LRRTM3: variants seen among roughly 807,000 people sequenced by gnomAD.
LRRTM3 encodes the protein leucine-rich repeat transmembrane neuronal protein 3.
Under a neutral mutation model 44.7 loss-of-function variants are expected in LRRTM3, and 24 were observed. The ratio of observed to expected loss-of-function variants is 0.54; its 90% confidence interval spans 0.39 to 0.76. LRRTM3 has a LOEUF of 0.76. Ranked by LOEUF, LRRTM3 falls within the 30% of genes least tolerant of loss-of-function variation. The pLI is 0.00. For missense variants in LRRTM3, 587 were observed against 702.2 expected (o/e 0.84, Z 1.85); for synonymous variants, 277 against 278.7 (o/e 0.99, Z 0.06).
intron 2 of LRRTM3, among the ~76,000 whole-genome samples, chr10:66,994,370 C>G (rs937347647): frequency 6.6e-6 from 1 of 152,178 alleles, no homozygotes; most frequent in African/African-American, 2.4e-5. Context: ...ACATTAGGTA[C>G]AGTGTGGAAC....
In LRRTM3 at chr10:67,097,891, C is replaced by A; in HGVS notation, c.*95C>A. ...TTCATTGTGGACTCTAAAAACAAAA[C>A]AAAACACAAAATCCCCTGTTCAAAT... is the stretch of plus-strand genomic sequence containing the variant. On this transcript the variant is annotated 3_prime_UTR_variant, in exon 3 of 3. Transcript: ENST00000361320. 1.9e-6 allele frequency: 2 copies of A among 1,042,762 alleles called. No homozygotes were observed. The highest frequency in any genetic ancestry group is 2.9e-6 in the Non-Finnish European group (2 of 699,200). The allele number at this position is 1,042,762 out of a possible 1,614,324, so 64.6% of individuals were successfully genotyped here. A position where few individuals can be genotyped will look rare whatever the true frequency, so the allele number is the denominator to read the frequency against.
intron 2 of LRRTM3, among the ~76,000 whole-genome samples, chr10:66,984,720 A>T (rs1014944883): frequency 1.3e-5 from 2 of 152,152 alleles, no homozygotes; most frequent in African/African-American, 4.8e-5. Context: ...CTAAAGTCAC[A>T]CTTAAATGAC....
At chr10:67,028,648 T>TA (rs35905009) in intron 2 of LRRTM3, among the ~76,000 whole-genome samples, 48,740 of 142,034 alleles carry the variant, frequency 0.34, 9,478 homozygotes, top group East Asian at 0.47. Context: ...TAGTTCTACT[T>TA]AAAAAAAAAA....
chr10:67,080,742 T>C (rs1857006115), intron 2 of LRRTM3, among the ~76,000 whole-genome samples: 1 of 151,814 alleles, frequency 6.6e-6, no homozygotes, highest in South Asian at 2.1e-4. Context: ...ACCCCATCTC[T>C]ACTAAAAATA....
chr10:66,936,649 C>T (rs1483845352), intron 2 of LRRTM3, among the ~76,000 whole-genome samples: 1 of 152,232 alleles, frequency 6.6e-6, no homozygotes, highest in East Asian at 1.9e-4. Flanking sequence ...CTAGATTGAA[C>T]TCTACAGCGC....
chr10:66,940,715 A>G (rs1847950497), intron 2 of LRRTM3, among the ~76,000 whole-genome samples: 1 of 152,204 alleles, frequency 6.6e-6, no homozygotes, highest in African/African-American at 2.4e-5. Context: ...TGTGTTGTAC[A>G]AAGTAATCAA....
At chr10:66,942,270 T>TA (rs943555360) in intron 2 of LRRTM3, among the ~76,000 whole-genome samples, 2 of 152,164 alleles carry the variant, frequency 1.3e-5, no homozygotes, top group African/African-American at 4.8e-5. Flanking sequence ...CTGCAATATA[T>TA]AAAAAATGAT....
intron 2 of LRRTM3, among the ~76,000 whole-genome samples, chr10:67,025,069 C>T (rs1291142981): frequency 7.1e-6 from 1 of 141,366 alleles, no homozygotes; most frequent in Non-Finnish European, 1.5e-5. Flanking sequence ...GCGGAGGTTG[C>T]GGTGAGCCGA....
intron 2 of LRRTM3, among the ~76,000 whole-genome samples, chr10:66,980,251 C>T (rs550123659): frequency 5.1e-4 from 77 of 152,208 alleles, no homozygotes; most frequent in Non-Finnish European, 8.5e-4. Flanking sequence ...ATTTAGAGAC[C>T]ACTGTGTTCC....
At chr10:66,973,742 G>C (rs1218618712) in intron 2 of LRRTM3, among the ~76,000 whole-genome samples, 1 of 152,026 alleles carries the variant, frequency 6.6e-6, no homozygotes, top group Non-Finnish European at 1.5e-5. Flanking sequence ...TCCTGCTTCA[G>C]CCTTCCCAGT....
chr10:66,960,614 C>T (rs950021185), intron 2 of LRRTM3, among the ~76,000 whole-genome samples: 1 of 152,080 alleles, frequency 6.6e-6, no homozygotes, highest in South Asian at 2.1e-4. Context: ...TTAATTGAAT[C>T]AAATATTGTG....
intron 2 of LRRTM3, among the ~76,000 whole-genome samples, chr10:66,983,757 G>A (rs1173138464): frequency 2.6e-5 from 4 of 152,138 alleles, no homozygotes; most frequent in Non-Finnish European, 5.9e-5. Context: ...AGGAAAAAAT[G>A]CAAAGTGGGG....
At chr10:67,046,501 G>C (rs1050140406) in intron 2 of LRRTM3, among the ~76,000 whole-genome samples, 4 of 152,078 alleles carry the variant, frequency 2.6e-5, no homozygotes, top group African/African-American at 9.7e-5. Flanking sequence ...AGAAGAACAA[G>C]GGGATTCCTG....
chr10:66,984,924 C>T (rs1850642366), intron 2 of LRRTM3, among the ~76,000 whole-genome samples: 1 of 151,934 alleles, frequency 6.6e-6, no homozygotes, highest in South Asian at 2.1e-4. Context: ...ACAATAAGAA[C>T]ATTAATTCAA....
intron 2 of LRRTM3, among the ~76,000 whole-genome samples, chr10:67,012,745 T>C (rs1234623810): frequency 6.6e-6 from 1 of 152,162 alleles, no homozygotes; most frequent in Non-Finnish European, 1.5e-5. Context: ...GTTTTGGATA[T>C]ACACTTCTGT....
intron 2 of LRRTM3, among the ~76,000 whole-genome samples, chr10:67,064,886 T>C (rs1855977394): frequency 1.3e-5 from 2 of 152,204 alleles, no homozygotes; most frequent in Admixed American, 1.3e-4. Flanking sequence ...CAGGTACCTT[T>C]AAGCTAGTTC....
chr10:67,074,150 A>T lies in LRRTM3; in HGVS notation c.1537-23437A>T, dbSNP rs2723389. 1.2e-4 allele frequency among the ~76,000 whole-genome samples: 18 copies of T among 147,664 alleles called. No individual in the cohort carries two copies. The East Asian group carries it at 3.5e-3, about 29-fold the overall frequency. Reference sequence around the variant, plus strand: ...CGAGTTGAAGAGATCCTCCTTCCTCAGCCTCCCAAGTAGCTGGGACTATAG... The same window carrying T: ...CGAGTTGAAGAGATCCTCCTTCCTCTGCCTCCCAAGTAGCTGGGACTATAG... On this transcript the variant is annotated intron_variant, in intron 2 of 2. Transcript: ENST00000361320.
chr10:67,037,492 CTATAT>C, intron 2 of LRRTM3, among the ~76,000 whole-genome samples: 1 of 151,860 alleles, frequency 6.6e-6, no homozygotes, highest in East Asian at 1.9e-4. Flanking sequence ...GTAAGGGAAA[CTATAT>C]AAGATGTTTA....
intron 2 of LRRTM3, among the ~76,000 whole-genome samples, chr10:67,087,663 C>T (rs1857381964): frequency 6.6e-6 from 1 of 151,964 alleles, no homozygotes; most frequent in Admixed American, 6.6e-5. Context: ...GTGTGGATTT[C>T]TGCTCACTCA....
Sources: gnomAD v4.1 joint callset for allele counts (sites outside exome capture counted in the v4.1 genomes callset) on GRCh38, gnomAD v4.1.1 for gene constraint, MANE v1.5 for transcripts, NCBI Gene and HGNC (gene_info 2026-07-23, HGNC 2026-07-21) for gene names.